The following CNTNAP2 variants were observed in gnomAD, a reference collection of about 807,000 sequenced individuals.
The protein encoded by CNTNAP2 is contactin-associated protein-like 2.
In CNTNAP2, 98 loss-of-function variants were observed where a neutral mutation model predicts 155.2. The ratio of observed to expected loss-of-function variants is 0.63; its 90% CI spans 0.54 to 0.75. The LOEUF (loss-of-function observed/expected upper bound fraction) is 0.75. Ranked by LOEUF, CNTNAP2 falls within the 30% of genes least tolerant of loss-of-function variation. The pLI is 0.00. For missense variants in CNTNAP2, 1,727 were observed against 1,688.1 expected (o/e 1.02, Z -0.40); for synonymous variants, 651 against 631.2 (o/e 1.03, Z -0.47).
intron 3 of CNTNAP2, among the ~76,000 whole-genome samples, chr7:146,845,000 C>G (rs1803814554): frequency 6.6e-6 from 1 of 152,070 alleles, no homozygotes; most frequent in African/African-American, 2.4e-5. Flanking sequence ...TTCATATTAT[C>G]TAAGAAGTAT....
intron 13 of CNTNAP2, among the ~76,000 whole-genome samples, chr7:147,721,905 G>C (rs1208377077): frequency 6.6e-6 from 1 of 152,020 alleles, no homozygotes; most frequent in African/African-American, 2.4e-5. Flanking sequence ...AACTTCATAG[G>C]CAATTGTTTA....
chr7:147,397,100 A>G (rs1197840278), intron 10 of CNTNAP2, among the ~76,000 whole-genome samples: 1 of 152,082 alleles, frequency 6.6e-6, no homozygotes, highest in African/African-American at 2.4e-5. Context: ...TAGAACTTCT[A>G]TAAAGCCTTC....
intron 1 of CNTNAP2, among the ~76,000 whole-genome samples, chr7:146,121,433 A>G (rs1194295776): frequency 1.3e-5 from 2 of 152,162 alleles, no homozygotes; most frequent in African/African-American, 4.8e-5. Flanking sequence ...CTAGGCTCAG[A>G]AATTCTTAAT....
intron 1 of CNTNAP2, among the ~76,000 whole-genome samples, chr7:146,382,160 T>A (rs1469063592): frequency 6.6e-6 from 1 of 152,058 alleles, no homozygotes; most frequent in Non-Finnish European, 1.5e-5. Flanking sequence ...AAATAAAGGG[T>A]AGACTGAAAG....
chr7:148,089,244 G>A (rs572516361), intron 15 of CNTNAP2, among the ~76,000 whole-genome samples: 1 of 152,046 alleles, frequency 6.6e-6, no homozygotes, highest in South Asian at 2.1e-4. Flanking sequence ...AGATTAGGAA[G>A]AAGACAAGGA....
chr7:147,324,571 C>T (rs1364365108), intron 9 of CNTNAP2, among the ~76,000 whole-genome samples: 1 of 152,124 alleles, frequency 6.6e-6, no homozygotes, highest in Admixed American at 6.6e-5. Context: ...ACACTTTAGT[C>T]TTTCCTCAAT....
chr7:146,117,008 G>T, intron 1 of CNTNAP2, 35 bp downstream of exon 1: 1 of 1,520,436 alleles, frequency 6.6e-7, no homozygotes. Flanking sequence ...CTCTGGAGCA[G>T]TTTCAGTGCG....
At chr7:148,254,412 A>G (rs1241968527) in intron 20 of CNTNAP2, among the ~76,000 whole-genome samples, 1 of 152,208 alleles carries the variant, frequency 6.6e-6, no homozygotes, top group Non-Finnish European at 1.5e-5. Context: ...GAAAAGCCTC[A>G]ATCATATTTG....
At chr7:147,990,041 G>A (rs1432741782) in intron 15 of CNTNAP2, among the ~76,000 whole-genome samples, 1 of 114,648 alleles carries the variant, frequency 8.7e-6, no homozygotes. Flanking sequence ...TCACATTTCT[G>A]ACCAACTGAC....
chr7:147,341,860 C>T (rs1371851784), intron 9 of CNTNAP2, among the ~76,000 whole-genome samples: 1 of 151,956 alleles, frequency 6.6e-6, no homozygotes, highest in Non-Finnish European at 1.5e-5. Context: ...AGTTGACTTA[C>T]ATTAATAGTA....
chr7:146,314,685 G>T (rs1800879781), intron 1 of CNTNAP2, among the ~76,000 whole-genome samples: 1 of 152,256 alleles, frequency 6.6e-6, no homozygotes, highest in Admixed American at 6.5e-5. Flanking sequence ...GACTGTAAAA[G>T]TTGAAGTATT....
At chr7:147,984,584 G>A (rs1339467468) in intron 15 of CNTNAP2, among the ~76,000 whole-genome samples, 1 of 152,056 alleles carries the variant, frequency 6.6e-6, no homozygotes, top group African/African-American at 2.4e-5. Flanking sequence ...GAGTGGCTGG[G>A]TCTAGCTGTT....
intron 3 of CNTNAP2, among the ~76,000 whole-genome samples, chr7:147,027,521 A>C (rs906919873): frequency 6.6e-6 from 1 of 152,232 alleles, no homozygotes; most frequent in African/African-American, 2.4e-5. Flanking sequence ...TAATTTTGCA[A>C]ATTATTATTT....
chr7:146,569,653 A>C (rs1798411887), intron 1 of CNTNAP2, among the ~76,000 whole-genome samples: 1 of 152,212 alleles, frequency 6.6e-6, no homozygotes, highest in Non-Finnish European at 1.5e-5. Flanking sequence ...TGCTCCAGGT[A>C]GGGTAGCCCA....
intron 13 of CNTNAP2, among the ~76,000 whole-genome samples, chr7:147,818,868 TCTTA>T (rs1798317633): frequency 6.6e-6 from 1 of 152,212 alleles, no homozygotes; most frequent in Non-Finnish European, 1.5e-5. Flanking sequence ...TTGTTATAGT[TCTTA>T]CTTCAGAGAC....
chr7:147,560,631 GAACA>G (rs1800044523), intron 11 of CNTNAP2, among the ~76,000 whole-genome samples: 1 of 151,910 alleles, frequency 6.6e-6, no homozygotes, highest in South Asian at 2.1e-4. Flanking sequence ...AATAATTAGT[GAACA>G]AACACGGTTT....
chr7:147,103,585 T>G (rs1177848881), intron 4 of CNTNAP2, among the ~76,000 whole-genome samples: 1 of 152,072 alleles, frequency 6.6e-6, no homozygotes, highest in Admixed American at 6.6e-5. Flanking sequence ...TTCATATGCT[T>G]TATATGTATT....
rs112373084 is a variant in CNTNAP2, at chr7:147,373,121, G to C, written c.1499-22488G>C. Among the ~76,000 whole-genome samples, 6 of 152,086 alleles carry C rather than the reference G, an allele frequency of 3.9e-5. 1 individual carries two copies. The highest frequency in any genetic ancestry group is 1.4e-4 in the African/African-American group (6 of 41,498). Reference sequence around the variant, plus strand: ...AAAATTAACTTTCAAAGGGCAATTAGCATTTGTAATTTCATGAGGAATAGT... The same window carrying C: ...AAAATTAACTTTCAAAGGGCAATTACCATTTGTAATTTCATGAGGAATAGT... On this transcript the variant is annotated intron_variant, in intron 9 of 23. Transcript: ENST00000361727.
chr7:147,890,648 T>C (rs1799674250), intron 13 of CNTNAP2, among the ~76,000 whole-genome samples: 1 of 152,202 alleles, frequency 6.6e-6, no homozygotes, highest in Admixed American at 6.5e-5. Context: ...CACAGTGATT[T>C]CTGGAACACA....
Sources: allele counts gnomAD v4.1 joint callset (sites outside exome capture counted in the v4.1 genomes callset), GRCh38; gene constraint gnomAD v4.1.1; transcripts MANE v1.5; gene names NCBI Gene and HGNC (gene_info 2026-07-23, HGNC 2026-07-21).